RERE: variants seen among roughly 807,000 people sequenced by gnomAD.
RERE encodes the protein arginine-glutamic acid dipeptide repeats protein.
A neutral mutation model predicts 146.1 loss-of-function variants in RERE; 40 were observed. That is an observed-to-expected ratio of 0.27 (90% CI 0.21 to 0.36). The LOEUF is 0.36. Among genes scored for constraint, RERE ranks in the 10% least tolerant of loss-of-function variants. The pLI is 1.00. For missense variants in RERE, 1,933 were observed against 2,138.7 expected, an observed-to-expected ratio of 0.90 and a Z score of 1.90; for synonymous variants, 1,003 against 866.0, an observed-to-expected ratio of 1.16 and a Z score of -2.78.
At chr1:8,802,167 A>C (rs1641602262) in intron 1 of RERE, among the ~76,000 whole-genome samples, 1 of 152,232 alleles carries the variant, frequency 6.6e-6, no homozygotes, top group African/African-American at 2.4e-5. Context: ...AAATCAGCCT[A>C]TGCTATGATC....
At chr1:8,791,086 T>C (rs1641355501) in intron 1 of RERE, among the ~76,000 whole-genome samples, 1 of 152,176 alleles carries the variant, frequency 6.6e-6, no homozygotes, top group African/African-American at 2.4e-5. Context: ...TTCAGGAGAA[T>C]ACAACCTCTT....
At chr1:8,655,474 A>G (rs1225086064) in intron 2 of RERE, among the ~76,000 whole-genome samples, 1 of 152,146 alleles carries the variant, frequency 6.6e-6, no homozygotes, top group Non-Finnish European at 1.5e-5. Context: ...CCAAAGTGCT[A>G]GAATTGCAGG....
intron 1 of RERE, among the ~76,000 whole-genome samples, chr1:8,766,519 C>A: frequency 6.8e-6 from 1 of 146,102 alleles, no homozygotes. Context: ...TGCCCTCCAG[C>A]CTAGGCAACA....
At chr1:8,674,489 C>T (rs979837373) in intron 1 of RERE, among the ~76,000 whole-genome samples, 2 of 152,188 alleles carry the variant, frequency 1.3e-5, no homozygotes, top group Non-Finnish European at 2.9e-5. Context: ...GGCAGAGACT[C>T]CATTTCTTCC....
At chr1:8,668,922 C>CTG (rs1491114623) in intron 1 of RERE, among the ~76,000 whole-genome samples, 2 of 76,964 alleles carry the variant, frequency 2.6e-5, no homozygotes, top group African/African-American at 1.1e-4. Flanking sequence ...ATGCACTAAA[C>CTG]TCTGTGTGTG....
chr1:8,442,218 CTACTAAACA>C (rs1291496584), intron 11 of RERE, among the ~76,000 whole-genome samples: 1 of 152,036 alleles, frequency 6.6e-6, no homozygotes, highest in East Asian at 1.9e-4. Context: ...AATCCTGTCT[CTACTAAACA>C]TACAAAAATT....
intron 2 of RERE, among the ~76,000 whole-genome samples, chr1:8,629,228 G>A (rs1289848871): frequency 6.6e-6 from 1 of 152,146 alleles, no homozygotes; most frequent in Non-Finnish European, 1.5e-5. Flanking sequence ...ATGAAACCAT[G>A]GGTCTAGGTT....
intron 7 of RERE, among the ~76,000 whole-genome samples, chr1:8,519,155 T>C (rs987083555): frequency 6.6e-6 from 1 of 152,086 alleles, no homozygotes; most frequent in African/African-American, 2.4e-5. Context: ...CCAAGGTGGG[T>C]GGGTCCCTTG....
intron 1 of RERE, among the ~76,000 whole-genome samples, chr1:8,673,440 AC>A (rs1183576687): frequency 1.3e-5 from 2 of 152,058 alleles, no homozygotes; most frequent in Non-Finnish European, 2.9e-5. Context: ...TGATATAATG[AC>A]CCCATATCAC....
At chr1:8,427,200 T>C (rs368227585) in intron 11 of RERE, among the ~76,000 whole-genome samples, 4 of 152,056 alleles carry the variant, frequency 2.6e-5, no homozygotes, top group African/African-American at 9.7e-5. Context: ...GCTAGGGTGG[T>C]CACAGTGGAA....
At chr1:8,595,682 T>TA (rs1295618114) in intron 4 of RERE, among the ~76,000 whole-genome samples, 1 of 152,222 alleles carries the variant, frequency 6.6e-6, no homozygotes, top group Non-Finnish European at 1.5e-5. Context: ...TAAAAATCCT[T>TA]AAAGATCATT....
chr1:8,696,762 T>C (rs1569570918), intron 1 of RERE, among the ~76,000 whole-genome samples: 2 of 151,520 alleles, frequency 1.3e-5, no homozygotes, highest in South Asian at 4.2e-4. Context: ...ATACAAAAAT[T>C]AGCAGGGCAT....
Position 8,779,954 on chromosome 1 carries a change from G to A in RERE, c.-145+37206C>T, listed in dbSNP as rs560344045. ...GCCTGTAATCCCAGCGCTTTGGGAG[G>A]TCGAGGCGGGCAGATCACTTGAGGC... On this transcript the variant is annotated intron_variant, in intron 1 of 22. Coordinates refer to ENST00000400908, the MANE Select transcript of RERE (RefSeq NM_001042681.2). Among the ~76,000 whole-genome samples the A allele has an allele frequency of 3.3e-5, 5 of 152,274 alleles. No individual in the cohort carries two copies. In the East Asian group the frequency reaches 9.7e-4, roughly 29 times the overall value.
At chr1:8,765,013 A>G (rs780157813) in intron 1 of RERE, among the ~76,000 whole-genome samples, 1 of 152,246 alleles carries the variant, frequency 6.6e-6, no homozygotes, top group Non-Finnish European at 1.5e-5. Flanking sequence ...TCACCCCAAG[A>G]GAAATGCAAA....
chr1:8,611,419 G>A (rs143832839), intron 4 of RERE, among the ~76,000 whole-genome samples: 2,314 of 151,336 alleles, frequency 0.015, 62 homozygotes, highest in African/African-American at 0.054. Context: ...CAGGAGAATC[G>A]CTTAAACCCA....
At chr1:8,604,386 A>C (rs959573597) in intron 4 of RERE, among the ~76,000 whole-genome samples, 1 of 152,136 alleles carries the variant, frequency 6.6e-6, no homozygotes, top group Non-Finnish European at 1.5e-5. Flanking sequence ...AAAAGAATAG[A>C]CAGCAGGCTG....
chr1:8,400,821 T>C lies in RERE; in HGVS notation c.1284+21906A>G, dbSNP rs567584860. On this transcript the variant is annotated intron_variant, in intron 12 of 22. Coordinates refer to ENST00000400908, the MANE Select transcript of RERE (RefSeq NM_001042681.2). The stretch of plus-strand genomic sequence containing the variant: ...GAGTTAAAGACCACCCTGGGTAACA[T>C]GGTGAAACACCATCTCAAAAAAAAA... Among the ~76,000 whole-genome samples the C allele has an allele frequency of 5.2e-5, 5 of 95,482 alleles. No homozygotes were observed. The South Asian group carries it at 1.4e-3, about 27-fold the overall frequency. 62.6% of individuals were successfully genotyped at this position (95,482 alleles called of 152,430 possible).
chr1:8,469,618 G>A (rs1366428388), intron 10 of RERE, among the ~76,000 whole-genome samples: 1 of 151,912 alleles, frequency 6.6e-6, no homozygotes, highest in East Asian at 1.9e-4. Context: ...GTGAGACCCC[G>A]TCTCAAAAAA....
At chr1:8,772,036 G>A (rs188860021) in intron 1 of RERE, among the ~76,000 whole-genome samples, 28 of 151,742 alleles carry the variant, frequency 1.8e-4, no homozygotes, top group Admixed American at 2.6e-4. Context: ...ACTGTCACAT[G>A]TACATGTACA....
Sources: allele counts gnomAD v4.1 joint callset (sites outside exome capture counted in the v4.1 genomes callset), GRCh38; gene constraint gnomAD v4.1.1; transcripts MANE v1.5; gene names NCBI Gene and HGNC (gene_info 2026-07-23, HGNC 2026-07-21).